The following HHIP variants were observed in gnomAD, a reference collection of about 807,000 sequenced individuals.
HHIP encodes the protein hedgehog interacting protein.
Under a neutral mutation model 74.0 loss-of-function variants are expected in HHIP, and 12 were observed. The ratio of observed to expected loss-of-function variants is 0.16; its 90% CI spans 0.10 to 0.26. HHIP has a LOEUF of 0.26. HHIP is among the 10% of genes least tolerant of loss of function. The probability of loss-of-function intolerance (pLI) is 1.00; values close to 1 mark genes in which losing one functional copy is unlikely to be tolerated. For missense variants in HHIP, 788 were observed against 845.0 expected (o/e 0.93, Z 0.84); for synonymous variants, 309 against 311.6 (o/e 0.99, Z 0.09).
chr4:144,679,721 T>C (rs1414242900), intron 4 of HHIP, among the ~76,000 whole-genome samples: 1 of 152,150 alleles, frequency 6.6e-6, no homozygotes, highest in East Asian at 1.9e-4. Context: ...TGTTCTGTTC[T>C]GTATGACATA....
chr4:144,716,079 TCTA>T (rs1275384380), intron 10 of HHIP, among the ~76,000 whole-genome samples: 1 of 152,210 alleles, frequency 6.6e-6, no homozygotes, highest in Non-Finnish European at 1.5e-5. Flanking sequence ...AATTTTATTC[TCTA>T]CTAATTTAAA....
chr4:144,654,520 T>C (rs928507189), intron 2 of HHIP, among the ~76,000 whole-genome samples: 2 of 152,180 alleles, frequency 1.3e-5, no homozygotes, highest in African/African-American at 4.8e-5. Flanking sequence ...CAAATGCTAA[T>C]GATCATTCTC....
rs531918153 is a variant in HHIP at position 144,744,851 on chromosome 4, A to C, written c.*6894A>C. 25 of 152,356 alleles carry C rather than the reference A, an allele frequency of 1.6e-4. No individual in the cohort carries two copies. Among genetic ancestry groups the C allele is most frequent in the Admixed American group, 5.9e-4 (9 of 15,296 alleles). The allele number at this position is 152,356 out of a possible 1,614,324, so 9.4% of individuals were successfully genotyped here. A position where few individuals can be genotyped will look rare whatever the true frequency, so the allele number is the denominator to read the frequency against. ...GACAATAATCACATCCAACGGCACC[A>C]GTTCAGCTCAACTTTAGAATTCAGC... On this transcript the variant is annotated 3_prime_UTR_variant, in exon 13 of 13. Coordinates refer to ENST00000296575, the MANE Select transcript of HHIP (RefSeq NM_022475.3).
intron 4 of HHIP, among the ~76,000 whole-genome samples, chr4:144,679,707 C>T (rs112568474): frequency 1.3e-5 from 2 of 152,010 alleles, no homozygotes; most frequent in African/African-American, 4.8e-5. Context: ...ATTTCTGAGG[C>T]CTCTGTTCTG....
At chr4:144,719,386 T>G (rs1263331498) in intron 11 of HHIP, among the ~76,000 whole-genome samples, 2 of 152,230 alleles carry the variant, frequency 1.3e-5, no homozygotes, top group Non-Finnish European at 2.9e-5. Flanking sequence ...ACTTTGGCAG[T>G]TCAACATCTG....
At position 144,719,848 on chromosome 4, in the gene HHIP, T is replaced by C. The variant is rs545755196; in HGVS notation, c.1760+892T>C. Among the ~76,000 whole-genome samples the C allele has an allele frequency of 2.6e-5, 4 of 152,352 alleles. No homozygotes were observed. The South Asian group carries it at 6.2e-4, about 24-fold the overall frequency. ...TCATGACTCCATTTTCAAATTACAA[T>C]TCAAGTCTTTTTCAAAAGAATTAAC... On this transcript the variant is annotated intron_variant, in intron 11 of 12. Coordinates refer to ENST00000296575, the MANE Select transcript of HHIP (RefSeq NM_022475.3).
chr4:144,727,270 ACTTCTTATAAC>A lies in HHIP; in HGVS notation c.1761-7470_1761-7460del, dbSNP rs1266588631. ...GAGAGAAAGCAAGCTCTCTGGTGAC[ACTTCTTATAAC>A]GGCAATAATCGCATCATGGGGGCTC... On this transcript the variant is annotated intron_variant, in intron 11 of 12. Transcript: ENST00000296575. Among the ~76,000 whole-genome samples, 306 of 152,260 alleles carry A rather than the reference ACTTCTTATAAC, an allele frequency of 2.0e-3. 3 individuals carry two copies. Among genetic ancestry groups the A allele is most frequent in the African/African-American group, 7.1e-3 (295 of 41,560 alleles).
rs148693897 is a variant in HHIP, at chr4:144,736,088, T to C, written c.1909+1199T>C. On this transcript the variant is annotated intron_variant, in intron 12 of 12. Transcript: ENST00000296575. ...GATATTCAAATTCCTGCTAATTTATTATCTCTCTGCTTCCTTTGCTGCCTA... is the reference window on the plus strand; with the variant it reads ...GATATTCAAATTCCTGCTAATTTATCATCTCTCTGCTTCCTTTGCTGCCTA... Among the ~76,000 whole-genome samples the C allele has an allele frequency of 3.6e-3, 555 of 152,122 alleles. 4 individuals are homozygous for C. The highest frequency in any genetic ancestry group is 0.013 in the African/African-American group (533 of 41,504).
At chr4:144,675,376 C>A (rs753838200) in intron 4 of HHIP, among the ~76,000 whole-genome samples, 119 of 152,100 alleles carry the variant, frequency 7.8e-4, no homozygotes, top group African/African-American at 2.6e-3. Context: ...ACTTTGTTGT[C>A]TTCATTACGA....
At chr4:144,707,646 C>CAAAAAAAAATAAAA (rs1730182609) in intron 6 of HHIP, among the ~76,000 whole-genome samples, 1 of 57,168 alleles carries the variant, frequency 1.7e-5, no homozygotes, top group Non-Finnish European at 2.9e-5. Flanking sequence ...AGAACAGAGG[C>CAAAAAAAAATAAAA]AAAAAAAAAA....
chr4:144,739,685 C>T lies in HHIP; in HGVS notation c.*1728C>T, dbSNP rs970315690. 6.6e-6 allele frequency: 1 copy of T among 152,134 alleles called. No homozygotes were observed. Among genetic ancestry groups the T allele is most frequent in the East Asian group, 1.9e-4 (1 of 5,196 alleles). 9.4% of individuals were successfully genotyped at this position (152,134 alleles called of 1,614,324 possible). On this transcript the variant is annotated 3_prime_UTR_variant, in exon 13 of 13. Transcript: ENST00000296575. ...TGGGTTGAGAAATCTTGGTTCAGTG[C>T]TTAGTGAACAATAGCCTGCATTAAA... is the stretch of plus-strand genomic sequence containing the variant.
chr4:144,708,164 T>G lies in HHIP; in HGVS notation c.1158-4T>G, dbSNP rs1426693090. The G allele has an allele frequency of 6.2e-7, 1 of 1,613,982 alleles. No individual in the cohort carries two copies. The highest frequency in any genetic ancestry group is 2.2e-5 in the East Asian group (1 of 44,872). On this transcript the variant is annotated splice_polypyrimidine_tract_variant and splice_region_variant and intron_variant, in intron 6 of 12. Coordinates refer to ENST00000296575, the MANE Select transcript of HHIP (RefSeq NM_022475.3). ...AACACATACTCTGTCCCCCAATTTC[T>G]CAGTGATTTCACAGGCTCAGTGCTA...
In HHIP at chr4:144,716,854, GAAAAAAAAAAAAAAAAA is replaced by G. The variant is rs869028218; in HGVS notation, c.1678+1442_1678+1458del. Among the ~76,000 whole-genome samples, 112 of 54,662 alleles carry G rather than the reference GAAAAAAAAAAAAAAAAA, an allele frequency of 2.0e-3. No individual in the cohort carries two copies. The South Asian group carries it at 0.052, about 25-fold the overall frequency. The allele number at this position is 54,662 out of a possible 152,430, so 35.9% of individuals were successfully genotyped here. A position where few individuals can be genotyped will look rare whatever the true frequency, so the allele number is the denominator to read the frequency against. ...ACATGAGCAAAACTCCGTCTCAAAA[GAAAAAAAAAAAAAAAAA>G]AAAAAAAAAAAAAAAAAGTAAAAGA... On this transcript the variant is annotated intron_variant, in intron 10 of 12. Coordinates refer to ENST00000296575, the MANE Select transcript of HHIP (RefSeq NM_022475.3).
At position 144,737,670 on chromosome 4, in the gene HHIP, C is replaced by T. The variant is rs367566770; in HGVS notation, c.1910-94C>T. The T allele has an allele frequency of 7.7e-5, 86 of 1,110,234 alleles. 1 individual carries two copies. In the African/African-American group the frequency reaches 1.1e-3, roughly 14 times the overall value. The allele number at this position is 1,110,234 out of a possible 1,614,324, so 68.8% of individuals were successfully genotyped here. A position where few individuals can be genotyped will look rare whatever the true frequency, so the allele number is the denominator to read the frequency against. ...ATCTCCCTCCTTTTTTCCCTCGCTT[C>T]CCTTATTCAGCAAATATTTGTTGGT... On this transcript the variant is annotated intron_variant, in intron 12 of 12. Transcript: ENST00000296575.
rs200048905 is a variant in HHIP at position 144,712,015 on chromosome 4, A to C, written c.1367A>C (p.Asn456Thr). 1 of 1,611,840 alleles carries C rather than the reference A, an allele frequency of 6.2e-7. No homozygotes were observed. Among genetic ancestry groups the C allele is most frequent in the Admixed American group, 1.7e-5 (1 of 59,976 alleles). Reference sequence around the variant, plus strand: ...TTAACGATACTGTGTTCAGACTCCAATGGAAAAAACAGATCATCAGCCAGA... The same window carrying C: ...TTAACGATACTGTGTTCAGACTCCACTGGAAAAAACAGATCATCAGCCAGA... ...INLTILCSDS[N>T]GKNRSSARIL... Residue 456 changes from asparagine (N) to threonine (T), a missense_variant, in exon 8 of 13, where the codon AAT becomes ACT. Coordinates refer to ENST00000296575, the MANE Select transcript of HHIP (RefSeq NM_022475.3).
rs949076356 is a variant in HHIP, at chr4:144,671,464, A to G, written c.831+11626A>G. On this transcript the variant is annotated intron_variant, in intron 4 of 12. Transcript: ENST00000296575. ...CTTCTTCCCTTGAGAAGAATTAGTT[A>G]TTGGAGAGACTACTAAATAAAACTT... Among the ~76,000 whole-genome samples, 5 of 152,190 alleles carry G rather than the reference A, an allele frequency of 3.3e-5. No homozygotes were observed. The East Asian group carries it at 9.6e-4, about 29-fold the overall frequency.
intron 4 of HHIP, among the ~76,000 whole-genome samples, chr4:144,690,859 A>G (rs1729638198): frequency 1.3e-5 from 2 of 152,220 alleles, no homozygotes; most frequent in South Asian, 4.1e-4. Flanking sequence ...TCAAAGAAGA[A>G]AAATGAACTG....
At chr4:144,719,252 G>A (rs1033504442) in intron 11 of HHIP, among the ~76,000 whole-genome samples, 1 of 152,212 alleles carries the variant, frequency 6.6e-6, no homozygotes, top group Non-Finnish European at 1.5e-5. Flanking sequence ...CCTGACGTGT[G>A]AGGCAGTGGC....
chr4:144,714,923 A>C (rs1730402334), intron 9 of HHIP: 1 of 164,220 alleles, frequency 6.1e-6, no homozygotes, highest in African/African-American at 2.4e-5. Flanking sequence ...GGCAGAGCTG[A>C]TACTCTTGGT....
Sources: allele counts gnomAD v4.1 joint callset (sites outside exome capture counted in the v4.1 genomes callset), GRCh38; gene constraint gnomAD v4.1.1; transcripts MANE v1.5; gene names NCBI Gene and HGNC (gene_info 2026-07-23, HGNC 2026-07-21).